Variants in RSF1 observed in about 807,000 individuals in gnomAD.
RSF1 encodes the protein HBV pX-associated protein 8.
RSF1 carries 13 observed loss-of-function variants against 145.2 expected under a neutral mutation model. The ratio of observed to expected loss-of-function variants is 0.09; its 90% CI spans 0.06 to 0.14. RSF1 has a LOEUF of 0.14. Ranked by LOEUF, RSF1 falls within the 10% of genes least tolerant of loss-of-function variation. The pLI is 1.00. For synonymous variants in RSF1, 577 were observed against 592.6 expected (o/e 0.97, Z 0.38); for missense variants, 1,517 against 1,718.2 (o/e 0.88, Z 2.07).
intron 5 of RSF1, among the ~76,000 whole-genome samples, chr11:77,711,861 C>T (rs942942582): frequency 1.3e-5 from 2 of 152,128 alleles, no homozygotes; most frequent in African/African-American, 2.4e-5. Context: ...ATCCATGTCT[C>T]AGTGTATTCT....
At chr11:77,808,342 C>G (rs1247205435) in intron 1 of RSF1, among the ~76,000 whole-genome samples, 1 of 59,996 alleles carries the variant, frequency 1.7e-5, no homozygotes, top group Non-Finnish European at 3.1e-5. Flanking sequence ...AAAAAACAAA[C>G]AAACAAACAA....
At chr11:77,851,313 C>T in the RSF1 span, 3 of 152,188 alleles carry the variant, frequency 2.0e-5, no homozygotes, top group African/African-American at 7.2e-5. Flanking sequence ...CAAGAATGTT[C>T]TCTATAACTT....
chr11:77,761,996 A>C (rs1948177522), intron 2 of RSF1: 1 of 128,188 alleles, frequency 7.8e-6, no homozygotes, highest in African/African-American at 3.1e-5. Flanking sequence ...CACCACACCC[A>C]GCTATTTTTT....
In RSF1 at chr11:77,701,829, G is replaced by T. The variant is rs754245168; in HGVS notation, c.1400C>A (p.Thr467Lys). Reference sequence around the variant, plus strand: ...AGAGGGGCTATAGCTCTCTTCCTTTGTCTCATAAAACTTTGTCTCTATTGG... The same window carrying T: ...AGAGGGGCTATAGCTCTCTTCCTTTTTCTCATAAAACTTTGTCTCTATTGG... Reference protein sequence around the residue: ...TEPIETKFYETKEESYSPSKD... With the variant: ...TEPIETKFYEKKEESYSPSKD... Residue 467 changes from threonine to lysine, a missense_variant, in exon 6 of 16, where the codon ACA becomes AAA. By Grantham distance (78) the Thr-to-Lys change is moderately conservative. Transcript: ENST00000308488. 1.3e-5 allele frequency: 21 copies of T among 1,613,964 alleles called. No homozygotes were observed. In the East Asian group the frequency reaches 4.2e-4, roughly 33 times the overall value.
At chr11:77,708,519 T>C (rs1246343345) in intron 5 of RSF1, among the ~76,000 whole-genome samples, 1 of 152,210 alleles carries the variant, frequency 6.6e-6, no homozygotes, top group African/African-American at 2.4e-5. Flanking sequence ...TCATATCCTC[T>C]AGCCCACTCA....
At chr11:77,871,470 C>T in the RSF1 span, among the ~76,000 whole-genome samples, 3 of 152,118 alleles carry the variant, frequency 2.0e-5, no homozygotes, top group Admixed American at 1.3e-4. Context: ...AACTAGACAA[C>T]TTCAGATAAT....
At chr11:77,734,543 G>C (rs1324994952) in intron 4 of RSF1, 10 of 1,568,386 alleles carry the variant, frequency 6.4e-6, no homozygotes, top group Admixed American at 1.7e-5. Flanking sequence ...CCAGATTCGA[G>C]TGCTCCCATC....
At chr11:77,855,094 G>T in the RSF1 span, among the ~76,000 whole-genome samples, 1 of 152,124 alleles carries the variant, frequency 6.6e-6, no homozygotes, top group Non-Finnish European at 1.5e-5. Flanking sequence ...GTGATGCAGG[G>T]TGCTATGACC....
At chr11:77,765,664 TCTAA>T (rs1244085284) in intron 1 of RSF1, among the ~76,000 whole-genome samples, 2 of 152,254 alleles carry the variant, frequency 1.3e-5, no homozygotes, top group African/African-American at 2.4e-5. Context: ...TCAGAGTTCC[TCTAA>T]CTATTATTTA....
In RSF1 at chr11:77,661,543, A is replaced by G. The variant is rs1959233606; in HGVS notation, c.*5374T>C. The stretch of plus-strand genomic sequence containing the variant: ...TCAAGGCTTGTCCACATAGCAGTTG[A>G]CATGCACCAATTCTGCTAAAGGGCA... On this transcript the variant is annotated 3_prime_UTR_variant, in exon 16 of 16. Transcript: ENST00000308488. 6.6e-6 allele frequency: 1 copy of G among 152,008 alleles called. No individual in the cohort carries two copies. The highest frequency in any genetic ancestry group is 6.6e-5 in the Admixed American group (1 of 15,232). 9.4% of individuals were successfully genotyped at this position (152,008 alleles called of 1,614,324 possible).
intron 5 of RSF1, among the ~76,000 whole-genome samples, chr11:77,708,651 G>A (rs1483706263): frequency 6.6e-6 from 1 of 152,116 alleles, no homozygotes; most frequent in Non-Finnish European, 1.5e-5. Context: ...TATTGCAAGA[G>A]AACTAATTAT....
Position 77,670,599 on chromosome 11 carries a change from ATAGG to A in RSF1, c.3751+1439_3751+1442del, listed in dbSNP as rs1363108239. Among the ~76,000 whole-genome samples the A allele has an allele frequency of 3.9e-5, 6 of 152,260 alleles. No homozygotes were observed. In the East Asian group the frequency reaches 1.2e-3, roughly 29 times the overall value. On this transcript the variant is annotated intron_variant, in intron 15 of 15. Transcript: ENST00000308488. Reference sequence around the variant, plus strand: ...TTGCTGTTATATTCCAGTGCTTGGAATAGGGCCTAGCTTAATAAATATTCATATT... The same window carrying A: ...TTGCTGTTATATTCCAGTGCTTGGAAGCCTAGCTTAATAAATATTCATATT...
At chr11:77,775,264 C>A (rs1348797696) in intron 1 of RSF1, among the ~76,000 whole-genome samples, 6 of 150,468 alleles carry the variant, frequency 4.0e-5, no homozygotes, top group South Asian at 4.2e-4. Context: ...AAAAAAAAAC[C>A]CAAAACACAA....
intron 15 of RSF1, among the ~76,000 whole-genome samples, chr11:77,667,936 C>T (rs1959414328): frequency 6.6e-6 from 1 of 152,058 alleles, no homozygotes; most frequent in Non-Finnish European, 1.5e-5. Flanking sequence ...AACTCCTGAC[C>T]TTGTGATCCA....
intron 11 of RSF1, among the ~76,000 whole-genome samples, chr11:77,678,977 T>G (rs1959787803): frequency 6.6e-6 from 1 of 152,198 alleles, no homozygotes; most frequent in Non-Finnish European, 1.5e-5. Flanking sequence ...GCAGCCAAAT[T>G]AGACTGAGGC....
intron 2 of RSF1, among the ~76,000 whole-genome samples, chr11:77,758,147 A>G (rs1163921366): frequency 6.6e-6 from 1 of 152,036 alleles, no homozygotes; most frequent in Non-Finnish European, 1.5e-5. Context: ...GAAGAAAAAA[A>G]AAAAAAAAAG....
chr11:77,853,328 G>A, the RSF1 span, among the ~76,000 whole-genome samples: 4 of 152,122 alleles, frequency 2.6e-5, no homozygotes, highest in African/African-American at 9.7e-5. Context: ...TGTACAGGAA[G>A]CATTGCTAGG....
rs73506774 is a variant in RSF1, at chr11:77,691,448, A to G, written c.2821-210T>C. On this transcript the variant is annotated intron_variant, in intron 8 of 15. Coordinates refer to ENST00000308488, the MANE Select transcript of RSF1 (RefSeq NM_016578.4). ...TTGAAATAAAGCACACGTTAAAGAAACATACAGCTTTGCCAAAAGAAACGG... is the reference window on the plus strand; with the variant it reads ...TTGAAATAAAGCACACGTTAAAGAAGCATACAGCTTTGCCAAAAGAAACGG... Among the ~76,000 whole-genome samples the G allele has an allele frequency of 3.8e-3, 582 of 152,336 alleles. 3 individuals are homozygous for G. The highest frequency in any genetic ancestry group is 0.013 in the African/African-American group (554 of 41,582).
chr11:77,755,136 T>C (rs968720751), intron 2 of RSF1, among the ~76,000 whole-genome samples: 1 of 152,102 alleles, frequency 6.6e-6, no homozygotes, highest in African/African-American at 2.4e-5. Context: ...AAGGGGAAAA[T>C]AGTATGATCT....
Sources: allele counts gnomAD v4.1 joint callset (sites outside exome capture counted in the v4.1 genomes callset), GRCh38; gene constraint gnomAD v4.1.1; transcripts MANE v1.5; gene names NCBI Gene and HGNC (gene_info 2026-07-23, HGNC 2026-07-21).